The following MTMR3 variants were observed in gnomAD, a reference collection of about 807,000 sequenced individuals.
The protein encoded by MTMR3 is phosphatidylinositol-3,5-bisphosphate 3-phosphatase MTMR3.
A neutral mutation model predicts 132.4 loss-of-function variants in MTMR3; 32 were observed. That is an observed-to-expected ratio of 0.24 (90% CI 0.18 to 0.32). The LOEUF (loss-of-function observed/expected upper bound fraction) is 0.32. Among genes scored for constraint, MTMR3 ranks in the 10% least tolerant of loss-of-function variants. The pLI, the probability that MTMR3 is intolerant of heterozygous loss-of-function variation, is 1.00. For missense variants in MTMR3, 1,216 were observed against 1,489.6 expected (o/e 0.82, Z 3.02); for synonymous variants, 556 against 550.3 (o/e 1.01, Z -0.14).
At chr22:29,957,775 TC>T (rs1402051415) in intron 2 of MTMR3, among the ~76,000 whole-genome samples, 2 of 152,160 alleles carry the variant, frequency 1.3e-5, no homozygotes, top group Non-Finnish European at 2.9e-5. Context: ...GTTCAGCAGT[TC>T]CCCCTTACCT....
At chr22:29,896,869 T>TCTCACACACACA (rs145703649) in intron 1 of MTMR3, among the ~76,000 whole-genome samples, 1,835 of 138,188 alleles carry the variant, frequency 0.013, 36 homozygotes, top group East Asian at 0.097. Context: ...CAGGCTTGTC[T>TCTCACACACACA]CACACACACA....
At chr22:30,016,369 G>C in intron 14 of MTMR3, 159 bp from the exon 15 acceptor site, 1 of 679,230 alleles carries the variant, frequency 1.5e-6, no homozygotes, top group Non-Finnish European at 2.4e-6. Flanking sequence ...TTGGTGGTGT[G>C]AGGAGGAGGA....
chr22:29,945,078 T>C (rs1382055177), intron 1 of MTMR3, among the ~76,000 whole-genome samples: 1 of 152,190 alleles, frequency 6.6e-6, no homozygotes, highest in Non-Finnish European at 1.5e-5. Flanking sequence ...AGAGGGATGA[T>C]CACCACTCAC....
intron 2 of MTMR3, among the ~76,000 whole-genome samples, chr22:29,967,225 G>GC (rs1458503463): frequency 8.8e-6 from 1 of 113,674 alleles, no homozygotes; most frequent in Non-Finnish European, 1.8e-5. Flanking sequence ...GTGTGTGTGT[G>GC]TGTGTGTGCA....
At chr22:29,901,788 G>C (rs2065006641) in intron 1 of MTMR3, among the ~76,000 whole-genome samples, 1 of 152,162 alleles carries the variant, frequency 6.6e-6, no homozygotes, top group Non-Finnish European at 1.5e-5. Context: ...CTGGTCTCAA[G>C]GGATCCTCCT....
At chr22:29,933,013 G>A (rs1476134767) in intron 1 of MTMR3, among the ~76,000 whole-genome samples, 2 of 152,032 alleles carry the variant, frequency 1.3e-5, no homozygotes, top group Non-Finnish European at 2.9e-5. Context: ...CTGTTGCTCA[G>A]GCTGGAGTGC....
intron 6 of MTMR3, 124 bp from the exon 7 acceptor site, chr22:29,991,380 C>T (rs1165670330): frequency 2.3e-6 from 2 of 883,576 alleles, no homozygotes; most frequent in South Asian, 2.0e-5. Flanking sequence ...CTGACTGCCT[C>T]AGATGCTTTC....
intron 1 of MTMR3, among the ~76,000 whole-genome samples, chr22:29,909,995 A>G (rs955149444): frequency 2.0e-5 from 3 of 152,074 alleles, no homozygotes; most frequent in Admixed American, 6.5e-5. Context: ...CTCTACTAAA[A>G]AATACAAAAA....
intron 1 of MTMR3, among the ~76,000 whole-genome samples, chr22:29,903,790 G>A (rs1292589564): frequency 6.6e-6 from 1 of 152,096 alleles, no homozygotes; most frequent in East Asian, 1.9e-4. Flanking sequence ...GAACTACAGA[G>A]CTTTTCTCAT....
chr22:29,956,000 C>T (rs1397239274), intron 1 of MTMR3, among the ~76,000 whole-genome samples: 1 of 152,170 alleles, frequency 6.6e-6, no homozygotes, highest in Non-Finnish European at 1.5e-5. Context: ...GATCCACCCA[C>T]CTTGGCCTCC....
intron 1 of MTMR3, among the ~76,000 whole-genome samples, chr22:29,936,535 C>T (rs910881239): frequency 1.3e-5 from 2 of 152,048 alleles, no homozygotes; most frequent in Non-Finnish European, 2.9e-5. Flanking sequence ...TCTTGATTCT[C>T]TGTGGTTAGA....
intron 1 of MTMR3, among the ~76,000 whole-genome samples, chr22:29,895,602 C>T (rs1422068015): frequency 6.6e-6 from 1 of 152,242 alleles, no homozygotes; most frequent in East Asian, 1.9e-4. Flanking sequence ...GGTTGTGCAA[C>T]GTGTTGTCGG....
At chr22:29,911,209 T>A (rs2065205444) in intron 1 of MTMR3, among the ~76,000 whole-genome samples, 1 of 152,130 alleles carries the variant, frequency 6.6e-6, no homozygotes, top group Non-Finnish European at 1.5e-5. Context: ...GTTTTTTTCC[T>A]TGTTTCTACG....
At chr22:29,978,904 C>T (rs1215233282) in intron 4 of MTMR3, 32 bp from the exon 5 acceptor site, 7 of 1,458,728 alleles carry the variant, frequency 4.8e-6, no homozygotes, top group Non-Finnish European at 6.7e-6. Flanking sequence ...TTAACTGCTT[C>T]AGAACTCTGA....
intron 8 of MTMR3, 36 bp from the exon 9 acceptor site, chr22:30,002,844 C>T: frequency 1.3e-6 from 2 of 1,509,710 alleles, no homozygotes; most frequent in South Asian, 1.1e-5. Flanking sequence ...CCTCTCTTAT[C>T]CCCTTGACTC....
rs146552062 is a variant in MTMR3, at chr22:29,951,434, A to G, written c.-137-5602A>G. On this transcript the variant is annotated intron_variant, in intron 1 of 19. Coordinates refer to ENST00000401950, the MANE Select transcript of MTMR3 (RefSeq NM_021090.4). ...GAAATTTGTTAAGGTTGGTTTACTT[A>G]CAGTTAATCTTTTCTGAGAACATGG... 4.5e-3 allele frequency among the ~76,000 whole-genome samples: 681 copies of G among 152,330 alleles called. 6 individuals carry two copies. The highest frequency in any genetic ancestry group is 0.015 in the African/African-American group (643 of 41,582).
chr22:29,897,967 A>G (rs1248327662), intron 1 of MTMR3, among the ~76,000 whole-genome samples: 1 of 152,108 alleles, frequency 6.6e-6, no homozygotes, highest in East Asian at 1.9e-4. Flanking sequence ...ACATGTTGAT[A>G]TATGTGTATT....
intron 1 of MTMR3, among the ~76,000 whole-genome samples, chr22:29,906,316 C>G (rs1315469890): frequency 6.7e-6 from 1 of 148,732 alleles, no homozygotes; most frequent in Non-Finnish European, 1.5e-5. Context: ...ATCTATCTAT[C>G]TATCTATCTA....
intron 13 of MTMR3, 174 bp downstream of exon 13, chr22:30,012,737 C>A: frequency 1.6e-6 from 1 of 607,744 alleles, no homozygotes; most frequent in Non-Finnish European, 2.7e-6. Flanking sequence ...ACAGTTCTTG[C>A]ACCTCTTAAA....
Sources: gnomAD v4.1 joint callset for allele counts (sites outside exome capture counted in the v4.1 genomes callset) on GRCh38, gnomAD v4.1.1 for gene constraint, MANE v1.5 for transcripts, NCBI Gene and HGNC (gene_info 2026-07-23, HGNC 2026-07-21) for gene names.